PAX8: variants seen among roughly 807,000 people sequenced by gnomAD.
PAX8 encodes paired box 8.
Under a neutral mutation model 52.4 loss-of-function variants are expected in PAX8, and 15 were observed. The ratio of observed to expected loss-of-function variants is 0.29; its 90% confidence interval spans 0.19 to 0.44. The LOEUF (loss-of-function observed/expected upper bound fraction) is 0.44, where lower values mean the gene tolerates loss of function less well. Ranked by LOEUF, PAX8 falls within the 20% of genes least tolerant of loss-of-function variation. The pLI, the probability that PAX8 is intolerant of heterozygous loss-of-function variation, is 1.00. For missense variants in PAX8, 554 were observed against 602.5 expected (o/e 0.92, Z 0.84); for synonymous variants, 284 against 249.7 (o/e 1.14, Z -1.29).
intron 9 of PAX8, among the ~76,000 whole-genome samples, chr2:113,229,687 T>C (rs1227750967): frequency 1.3e-5 from 2 of 152,212 alleles, no homozygotes; most frequent in Non-Finnish European, 2.9e-5. Context: ...GGGAGAAATA[T>C]GCAGAAGCTA....
chr2:113,219,753 G>A (rs1416323946), intron 11 of PAX8, among the ~76,000 whole-genome samples: 1 of 152,168 alleles, frequency 6.6e-6, no homozygotes, highest in Non-Finnish European at 1.5e-5. Flanking sequence ...AAGCCGTGGA[G>A]GCAGGAGGTC....
chr2:113,257,193 G>T (rs1317231104), intron 2 of PAX8, among the ~76,000 whole-genome samples: 1 of 152,128 alleles, frequency 6.6e-6, no homozygotes, highest in Non-Finnish European at 1.5e-5. Flanking sequence ...AAAATCCTTA[G>T]TAATGATAAA....
Position 113,216,938 on chromosome 2 carries a change from C to T in PAX8, c.*1595G>A. The T allele has an allele frequency of 4.3e-6, 1 of 230,224 alleles. No homozygotes were observed. The highest frequency in any genetic ancestry group is 6.2e-5 in the East Asian group (1 of 16,246). 14.3% of individuals were successfully genotyped at this position (230,224 alleles called of 1,614,324 possible). A position where few individuals can be genotyped will look rare whatever the true frequency, so the allele number is the denominator to read the frequency against. On this transcript the variant is annotated 3_prime_UTR_variant, in exon 12 of 12. Coordinates refer to ENST00000429538, the MANE Select transcript of PAX8 (RefSeq NM_003466.4). ...TAAAACAGGGCTAATTTCAGCTTAA[C>T]TTATATGAAGCCTTCCATACTGTGC...
chr2:113,267,912 G>C (rs1387514338), intron 2 of PAX8: 1 of 152,276 alleles, frequency 6.6e-6, no homozygotes, highest in East Asian at 1.9e-4. Context: ...GGGTATGACT[G>C]TGTGTGTCAT....
chr2:113,226,830 T>G, intron 10 of PAX8: 2 of 1,270,166 alleles, frequency 1.6e-6, no homozygotes, highest in East Asian at 3.7e-5. Context: ...GTGCTCTCCA[T>G]TTATGCTCAC....
In PAX8 at chr2:113,235,542, C is replaced by T. The variant is rs769299885; in HGVS notation, c.939G>A (p.Glu313=). 55 of 1,613,614 alleles carry T rather than the reference C, an allele frequency of 3.4e-5. No individual in the cohort carries two copies. The highest frequency in any genetic ancestry group is 4.6e-5 in the Non-Finnish European group (54 of 1,179,746). The part of the protein sequence containing the change: ...SPFAIKQETP[E]VSSSSSTPSS... ...AAGGGGTGGAGCTAGAACTGGACAC[C>T]TCGGGGGTTTCCTGCTTTATGGCGA... The change falls in exon 9 of 12, where the codon GAG becomes GAA. Residue 313 remains glutamate, a synonymous_variant. Transcript: ENST00000429538.
Position 113,220,104 on chromosome 2 carries a change from A to T in PAX8, c.1264T>A (p.Ser422Thr). ...SYSEAWRFPN[S>T]SLLSSPYYYS... ...CCCAGGGACTTACTCAGCAAGCTGG[A>T]GTTGGGGAAGCGCCAGGCCTCGCTG... is the stretch of plus-strand genomic sequence containing the variant. Residue 422 changes from serine to threonine, a missense_variant, in exon 11 of 12, where the codon TCC becomes ACC. Physicochemically the swap from Ser to Thr is moderately conservative, Grantham distance 58. Around this residue, in one of 2 missense-constraint regions of PAX8, gnomAD observed 445 missense variants for 409.9 expected, o/e 1.09. Transcript: ENST00000429538. 1.2e-6 allele frequency: 2 copies of T among 1,613,270 alleles called. No homozygotes were observed. The highest frequency in any genetic ancestry group is 1.7e-6 in the Non-Finnish European group (2 of 1,179,560).
intron 9 of PAX8, chr2:113,230,382 A>C (rs1689819175): frequency 6.6e-6 from 1 of 152,290 alleles, no homozygotes; most frequent in Non-Finnish European, 1.5e-5. Flanking sequence ...CTTACAACAC[A>C]GCTTAATATG....
chr2:113,269,673 A>G (rs1041978041), intron 2 of PAX8: 4 of 152,264 alleles, frequency 2.6e-5, no homozygotes, highest in African/African-American at 9.7e-5. Context: ...CCAAAGTAGA[A>G]AATTGTGAGA....
At chr2:113,249,718 G>A (rs1045341223) in intron 2 of PAX8, among the ~76,000 whole-genome samples, 1 of 152,156 alleles carries the variant, frequency 6.6e-6, no homozygotes, top group Non-Finnish European at 1.5e-5. Context: ...TTATCAGCAA[G>A]CATTGTAGTG....
chr2:113,244,345 G>A, intron 4 of PAX8, 82 bp downstream of exon 4: 1 of 1,083,724 alleles, frequency 9.2e-7, no homozygotes, highest in Non-Finnish European at 1.4e-6. Context: ...CTCCACCCAA[G>A]CCAGGCCTTT....
Position 113,242,005 on chromosome 2 carries a change from C to T in PAX8, c.601+3G>A, listed in dbSNP as rs1188074212. The T allele has an allele frequency of 6.2e-7, 1 of 1,613,550 alleles. No individual in the cohort carries two copies. The highest frequency in any genetic ancestry group is 8.5e-7 in the Non-Finnish European group (1 of 1,179,742). ...CCCGCTGCCCTCCTGTCCCAGCACT[C>T]ACTGTCATCCATTTTCCTCTTGTCG... On this transcript the variant is annotated splice_donor_region_variant and intron_variant, in intron 6 of 11. Transcript: ENST00000429538.
At chr2:113,277,257 C>T (rs1015249221) in intron 2 of PAX8, among the ~76,000 whole-genome samples, 1 of 152,172 alleles carries the variant, frequency 6.6e-6, no homozygotes, top group African/African-American at 2.4e-5. Flanking sequence ...AGAAATCTTC[C>T]GGCGCCCCAG....
chr2:113,226,885 C>T (rs1216719661), intron 10 of PAX8: 1 of 1,348,700 alleles, frequency 7.4e-7, no homozygotes, highest in South Asian at 1.5e-5. Context: ...GAACACAGAC[C>T]TGTCTCAGCC....
chr2:113,234,346 C>T (rs1198296703), intron 9 of PAX8, among the ~76,000 whole-genome samples: 2 of 152,164 alleles, frequency 1.3e-5, no homozygotes, highest in Admixed American at 6.5e-5. Context: ...GAGCCAGCTC[C>T]CCTTGAGGTC....
intron 2 of PAX8, among the ~76,000 whole-genome samples, chr2:113,251,774 G>T (rs1053881511): frequency 2.0e-5 from 3 of 152,182 alleles, no homozygotes. Context: ...CTTGTTATAT[G>T]CACCAATATC....
At chr2:113,221,417 T>G (rs1313105484) in intron 10 of PAX8, among the ~76,000 whole-genome samples, 1 of 152,188 alleles carries the variant, frequency 6.6e-6, no homozygotes, top group African/African-American at 2.4e-5. Context: ...CTGACCTGTC[T>G]AGAGTCAAAT....
chr2:113,253,752 T>C (rs77737295), intron 2 of PAX8, among the ~76,000 whole-genome samples: 7,282 of 152,250 alleles, frequency 0.048, 253 homozygotes, highest in African/African-American at 0.099. Context: ...TTTACCTTTC[T>C]TGAATGGCTG....
At chr2:113,222,040 C>T (rs777134628) in intron 10 of PAX8, among the ~76,000 whole-genome samples, 1 of 152,186 alleles carries the variant, frequency 6.6e-6, no homozygotes, top group Non-Finnish European at 1.5e-5. Flanking sequence ...ATAATCTACT[C>T]TAAACATCTG....
Sources: allele counts gnomAD v4.1 joint callset (sites outside exome capture counted in the v4.1 genomes callset), GRCh38; gene constraint gnomAD v4.1.1; regional missense constraint gnomAD v4.1.1; transcripts MANE v1.5; gene names NCBI Gene and HGNC (gene_info 2026-07-23, HGNC 2026-07-21).